The following FAT3 variants were observed in gnomAD, a reference collection of about 807,000 sequenced individuals.
The protein encoded by FAT3 is protocadherin Fat 3.
In FAT3, 95 loss-of-function variants were observed where a neutral mutation model predicts 310.2. That is an observed-to-expected ratio of 0.31 (90% CI 0.26 to 0.36). The LOEUF (loss-of-function observed/expected upper bound fraction) is 0.36, where lower values mean the gene tolerates loss of function less well. Ranked by LOEUF, FAT3 falls within the 10% of genes least tolerant of loss-of-function variation. The probability of loss-of-function intolerance (pLI) is 1.00; values close to 1 mark genes in which losing one functional copy is unlikely to be tolerated. For missense variants in FAT3, 5,408 were observed against 5,715.6 expected, an observed-to-expected ratio of 0.95 and a Z score of 1.74; for synonymous variants, 2,314 against 2,192.9, an observed-to-expected ratio of 1.06 and a Z score of -1.54.
chr11:92,634,253 A>G (rs1453016844), intron 3 of FAT3, among the ~76,000 whole-genome samples: 2 of 152,172 alleles, frequency 1.3e-5, no homozygotes, highest in Non-Finnish European at 2.9e-5. Flanking sequence ...GCCATTTTGG[A>G]TCCCAGCCTA....
intron 3 of FAT3, among the ~76,000 whole-genome samples, chr11:92,643,696 G>C (rs1463774782): frequency 6.6e-6 from 1 of 152,202 alleles, no homozygotes; most frequent in African/African-American, 2.4e-5. Flanking sequence ...TTCCCCAATT[G>C]TGATCACTGC....
At chr11:92,659,882 G>T (rs1942718921) in intron 3 of FAT3, among the ~76,000 whole-genome samples, 1 of 152,166 alleles carries the variant, frequency 6.6e-6, no homozygotes, top group Admixed American at 6.5e-5. Flanking sequence ...CTGTGAATGT[G>T]TTGTTTTTAC....
intron 19 of FAT3, among the ~76,000 whole-genome samples, chr11:92,853,354 G>C (rs1948883381): frequency 6.6e-6 from 1 of 152,238 alleles, no homozygotes; most frequent in Admixed American, 6.5e-5. Flanking sequence ...GAATGCAGTG[G>C]TGCCCAGAAG....
chr11:92,783,415 T>A, intron 7 of FAT3, among the ~76,000 whole-genome samples: 1 of 147,526 alleles, frequency 6.8e-6, no homozygotes, highest in Admixed American at 6.8e-5. Context: ...GTATTTAGAT[T>A]AGGAAAATGC....
intron 1 of FAT3, among the ~76,000 whole-genome samples, chr11:92,306,626 A>C (rs1947132517): frequency 8.1e-6 from 1 of 124,214 alleles, no homozygotes; most frequent in African/African-American, 3.1e-5. Flanking sequence ...TATTTATATT[A>C]TATTTATATT....
chr11:92,830,710 C>G (rs1001740170), intron 13 of FAT3, among the ~76,000 whole-genome samples: 2 of 152,104 alleles, frequency 1.3e-5, no homozygotes, highest in Non-Finnish European at 2.9e-5. Context: ...AAAACCTAGT[C>G]TTTCTGCAGC....
intron 3 of FAT3, among the ~76,000 whole-genome samples, chr11:92,593,888 G>A (rs577516124): frequency 5.3e-5 from 8 of 152,234 alleles, no homozygotes; most frequent in African/African-American, 9.6e-5. Context: ...GTTATAAAGC[G>A]TTATTTCAGT....
At chr11:92,865,877 CCTTG>C (rs1565661406) in intron 21 of FAT3, among the ~76,000 whole-genome samples, 1 of 152,176 alleles carries the variant, frequency 6.6e-6, no homozygotes, top group Non-Finnish European at 1.5e-5. Flanking sequence ...GCAGTGATGC[CCTTG>C]CTACACCAAT....
chr11:92,331,019 A>G (rs879329689), intron 1 of FAT3, among the ~76,000 whole-genome samples: 1 of 147,040 alleles, frequency 6.8e-6, no homozygotes, highest in Non-Finnish European at 1.5e-5. Flanking sequence ...AGAGAGAGAG[A>G]GAAACATTTA....
intron 3 of FAT3, among the ~76,000 whole-genome samples, chr11:92,689,943 G>A (rs760568630): frequency 1.3e-5 from 2 of 152,168 alleles, no homozygotes; most frequent in Non-Finnish European, 2.9e-5. Context: ...TAGTGTAGCA[G>A]TAGAGTTAGG....
At chr11:92,441,956 G>T (rs895887498) in intron 2 of FAT3, among the ~76,000 whole-genome samples, 2 of 151,138 alleles carry the variant, frequency 1.3e-5, no homozygotes, top group African/African-American at 4.9e-5. Context: ...ACACGTTCAC[G>T]ACTCAGGAGC....
intron 3 of FAT3, among the ~76,000 whole-genome samples, chr11:92,622,507 T>C (rs1941132932): frequency 2.0e-5 from 3 of 152,172 alleles, no homozygotes; most frequent in South Asian, 2.1e-4. Context: ...TTGAGTAAGA[T>C]TTGATTGTGA....
rs573022104 is a variant in FAT3, at chr11:92,570,362, A to G, written c.3607+45414A>G. Reference sequence around the variant, plus strand: ...ATATGAAGTTCTCATCAAATGTCCAATGAAGGATTGTGTGTGAGACAGGAT... The same window carrying G: ...ATATGAAGTTCTCATCAAATGTCCAGTGAAGGATTGTGTGTGAGACAGGAT... On this transcript the variant is annotated intron_variant, in intron 3 of 27. Transcript: ENST00000525166. Among the ~76,000 whole-genome samples the G allele has an allele frequency of 5.3e-5, 8 of 152,304 alleles. 1 individual carries two copies. The highest frequency in any genetic ancestry group is 4.1e-4 in the South Asian group (2 of 4,828).
At chr11:92,802,565 G>A (rs766374108) in intron 10 of FAT3, among the ~76,000 whole-genome samples, 3 of 152,200 alleles carry the variant, frequency 2.0e-5, no homozygotes, top group Non-Finnish European at 4.4e-5. Context: ...GTTGCCCTGA[G>A]AGGCTAAGGA....
At chr11:92,602,524 C>G (rs184382727) in intron 3 of FAT3, among the ~76,000 whole-genome samples, 114 of 152,314 alleles carry the variant, frequency 7.5e-4, no homozygotes, top group African/African-American at 2.6e-3. Flanking sequence ...GAATTTGAAC[C>G]CAGGCAGTTT....
chr11:92,656,402 A>G (rs996580158), intron 3 of FAT3, among the ~76,000 whole-genome samples: 1 of 152,194 alleles, frequency 6.6e-6, no homozygotes, highest in African/African-American at 2.4e-5. Flanking sequence ...CCTCCAATGT[A>G]TAGATGCTTT....
At chr11:92,500,279 G>GTAATT (rs1256509456) in intron 2 of FAT3, among the ~76,000 whole-genome samples, 2 of 151,894 alleles carry the variant, frequency 1.3e-5, no homozygotes, top group African/African-American at 2.4e-5. Flanking sequence ...ATGTTATTAT[G>GTAATT]TAATTTAATT....
chr11:92,616,043 T>C (rs1237106403), intron 3 of FAT3, among the ~76,000 whole-genome samples: 2 of 152,226 alleles, frequency 1.3e-5, no homozygotes, highest in Non-Finnish European at 2.9e-5. Flanking sequence ...GTTAACTTTC[T>C]GTCTCATTGA....
chr11:92,479,406 C>G (rs574085939), intron 2 of FAT3, among the ~76,000 whole-genome samples: 1 of 152,180 alleles, frequency 6.6e-6, no homozygotes, highest in Admixed American at 6.5e-5. Flanking sequence ...TTTTAAAATG[C>G]TTCCATTTTC....
Sources: allele counts gnomAD v4.1 joint callset (sites outside exome capture counted in the v4.1 genomes callset), GRCh38; gene constraint gnomAD v4.1.1; transcripts MANE v1.5; gene names NCBI Gene and HGNC (gene_info 2026-07-23, HGNC 2026-07-21).